SP3: variants seen among roughly 807,000 people sequenced by gnomAD.
The protein encoded by SP3 is transcription factor Sp3.
Under a neutral mutation model 70.3 loss-of-function variants are expected in SP3, and 10 were observed. The ratio of observed to expected loss-of-function variants is 0.14; its 90% CI spans 0.09 to 0.24. The LOEUF (loss-of-function observed/expected upper bound fraction) is 0.24. Among genes scored for constraint, SP3 ranks in the 10% least tolerant of loss-of-function variants. The pLI is 1.00. For missense variants in SP3, 825 were observed against 914.6 expected (o/e 0.90, Z 1.26); for synonymous variants, 402 against 333.5 (o/e 1.21, Z -2.24).
chr2:173,961,998 T>C (rs375024539), intron 3 of SP3, among the ~76,000 whole-genome samples: 1 of 150,252 alleles, frequency 6.7e-6, no homozygotes, highest in Non-Finnish European at 1.5e-5. Flanking sequence ...ATTGGCAAAT[T>C]ATGATGTATT....
chr2:173,955,812 C>A lies in SP3; in HGVS notation c.700G>T (p.Val234Phe). ...IQNLIPQTGQ[V>F]QVQGVAIGGS... is the part of the protein sequence containing the mutation. ...CCAATTGCAACTCCCTGAACCTGGA[C>A]TTGACCAGTCTGTGGTATGAGATTC... Residue 234 changes from valine (V) to phenylalanine (F), a missense_variant, in exon 4 of 7, where the codon GTC (valine) becomes TTC (phenylalanine). Around this residue, in one of 4 missense-constraint regions of SP3, gnomAD observed 678 missense variants for 651.6 expected, o/e 1.04. Coordinates refer to ENST00000310015, the MANE Select transcript of SP3 (RefSeq NM_003111.5). The A allele has an allele frequency of 6.2e-7, 1 of 1,614,246 alleles. No homozygotes were observed. The highest frequency in any genetic ancestry group is 8.5e-7 in the Non-Finnish European group (1 of 1,180,030).
intron 4 of SP3, among the ~76,000 whole-genome samples, chr2:173,923,363 T>C (rs1193530029): frequency 1.3e-5 from 2 of 152,028 alleles, no homozygotes; most frequent in East Asian, 3.9e-4. Context: ...TAATGAAATA[T>C]ACACACACAC....
chr2:173,964,372 G>A (rs765706027), intron 2 of SP3, 33 bp downstream of exon 2: 35 of 676,772 alleles, frequency 5.2e-5, no homozygotes, highest in Middle Eastern at 3.7e-4. Context: ...CGGCGCGAGG[G>A]GGGAGCCGGG....
In SP3 at chr2:173,905,930, G is replaced by A. The variant is rs1689302075; in HGVS notation, c.*4011C>T. On this transcript the variant is annotated 3_prime_UTR_variant, in exon 7 of 7. Coordinates refer to ENST00000310015, the MANE Select transcript of SP3 (RefSeq NM_003111.5). ...GGGGAGGATTGCTTGAGACCAGTAA[G>A]TGGAGTCTGCAGTAAGCCATGATTG... Among the ~76,000 whole-genome samples the A allele has an allele frequency of 6.6e-6, 1 of 152,220 alleles. No individual in the cohort carries two copies. The highest frequency in any genetic ancestry group is 2.1e-4 in the South Asian group (1 of 4,828).
At chr2:173,953,754 C>T (rs1448993927) in intron 4 of SP3, among the ~76,000 whole-genome samples, 3 of 146,378 alleles carry the variant, frequency 2.0e-5, no homozygotes, top group East Asian at 2.0e-4. Flanking sequence ...TGTGACAGAG[C>T]GAGACTCCAT....
At position 173,902,457 on chromosome 2, in the gene SP3, C is replaced by T. The variant is rs1689207583; in HGVS notation, c.*7484G>A. On this transcript the variant is annotated 3_prime_UTR_variant, in exon 7 of 7. Coordinates refer to ENST00000310015, the MANE Select transcript of SP3 (RefSeq NM_003111.5). The stretch of plus-strand genomic sequence containing the variant: ...CTGAAGATTAAGAATATCCTGTTGG[C>T]CAGTGATTCAAGTTCTAGATACATA... 6.6e-6 allele frequency among the ~76,000 whole-genome samples: 1 copy of T among 152,150 alleles called. No individual in the cohort carries two copies. The highest frequency in any genetic ancestry group is 2.4e-5 in the African/African-American group (1 of 41,430).
At chr2:173,933,644 A>G (rs1574409896) in intron 4 of SP3, among the ~76,000 whole-genome samples, 1 of 130,722 alleles carries the variant, frequency 7.6e-6, no homozygotes, top group East Asian at 2.2e-4. Flanking sequence ...AACTTTATAT[A>G]TATATATATA....
At chr2:173,943,648 T>A (rs774967468) in intron 4 of SP3, among the ~76,000 whole-genome samples, 1 of 152,198 alleles carries the variant, frequency 6.6e-6, no homozygotes. Flanking sequence ...ATTTTCTTCA[T>A]AACACTAATT....
chr2:173,922,290 GTTTT>G (rs768648740), intron 4 of SP3, among the ~76,000 whole-genome samples: 1 of 144,690 alleles, frequency 6.9e-6, no homozygotes. Context: ...CACTCCCAAG[GTTTT>G]TTTTTTTTTA....
chr2:173,936,457 G>A (rs541993409), intron 4 of SP3, among the ~76,000 whole-genome samples: 9 of 152,264 alleles, frequency 5.9e-5, no homozygotes, highest in African/African-American at 2.2e-4. Flanking sequence ...TAAAAATAGT[G>A]CAACCCTCAC....
chr2:173,956,307 T>C (rs1382857452), intron 3 of SP3, 75 bp from the exon 4 acceptor site: 1 of 1,448,350 alleles, frequency 6.9e-7, no homozygotes, highest in Non-Finnish European at 9.2e-7. Flanking sequence ...TAAAAACTGG[T>C]ATAAATCCTA....
In SP3 at chr2:173,902,223, T is replaced by C. The variant is rs1689202200; in HGVS notation, c.*7718A>G. On this transcript the variant is annotated 3_prime_UTR_variant, in exon 7 of 7. Coordinates refer to ENST00000310015, the MANE Select transcript of SP3 (RefSeq NM_003111.5). The stretch of plus-strand genomic sequence containing the variant: ...TAGTTTTTCAGGTCCCTTTTAAATT[T>C]CTTACTTATACTTGCTTTTCTTCCA... Among the ~76,000 whole-genome samples, 1 of 152,240 alleles carries C rather than the reference T, an allele frequency of 6.6e-6. No individual in the cohort carries two copies. The highest frequency in any genetic ancestry group is 2.4e-5 in the African/African-American group (1 of 41,464).
intron 4 of SP3, among the ~76,000 whole-genome samples, chr2:173,931,698 C>G (rs1574408618): frequency 6.6e-6 from 1 of 152,180 alleles, no homozygotes; most frequent in African/African-American, 2.4e-5. Context: ...TTCCGGATAA[C>G]TTCTTGCAGC....
rs34329180 is a variant in SP3, at chr2:173,901,695, CTTTTTT to C, written c.*8240_*8245del. ...GGGAAACAGTTAGTTGGACTTAAGC[CTTTTTT>C]TTTTTTTTTTTTTTTTTTGAGACGA... On this transcript the variant is annotated 3_prime_UTR_variant, in exon 7 of 7. Transcript: ENST00000310015. Among the ~76,000 whole-genome samples the C allele has an allele frequency of 1.5e-4, 11 of 74,958 alleles. No individual in the cohort carries two copies. The highest frequency in any genetic ancestry group is 5.3e-4 in the African/African-American group (10 of 19,020). 49.2% of individuals were successfully genotyped at this position (74,958 alleles called of 152,430 possible).
intron 4 of SP3, among the ~76,000 whole-genome samples, chr2:173,933,211 C>A (rs936978212): frequency 1.3e-5 from 2 of 150,346 alleles, no homozygotes; most frequent in Non-Finnish European, 3.0e-5. Context: ...AAATTTCAAT[C>A]TTTTATCAAT....
intron 4 of SP3, among the ~76,000 whole-genome samples, chr2:173,942,281 G>A (rs929494190): frequency 5.3e-5 from 8 of 152,210 alleles, no homozygotes; most frequent in Non-Finnish European, 1.0e-4. Context: ...GGGGCCGGGA[G>A]CAGTGGCTCA....
At chr2:173,923,441 G>A (rs1689812557) in intron 4 of SP3, among the ~76,000 whole-genome samples, 1 of 151,788 alleles carries the variant, frequency 6.6e-6, no homozygotes, top group South Asian at 2.1e-4. Flanking sequence ...AATAACTCAG[G>A]GCATGCCTAG....
chr2:173,964,596 G>T (rs1467021694), intron 1 of SP3, 43 bp from the exon 2 acceptor site: 3 of 650,456 alleles, frequency 4.6e-6, no homozygotes, highest in Admixed American at 2.2e-5. Context: ...GAGGAAGGCG[G>T]GTGGCGGAGA....
intron 4 of SP3, among the ~76,000 whole-genome samples, chr2:173,940,074 G>C (rs539317019): frequency 1.3e-5 from 2 of 152,120 alleles, no homozygotes; most frequent in Non-Finnish European, 2.9e-5. Context: ...GCAAGGTCTT[G>C]CTTGGTTGCC....
Sources: gnomAD v4.1 joint callset for allele counts (sites outside exome capture counted in the v4.1 genomes callset) on GRCh38, gnomAD v4.1.1 for gene constraint, gnomAD v4.1.1 regional missense constraint, MANE v1.5 for transcripts, NCBI Gene and HGNC (gene_info 2026-07-23, HGNC 2026-07-21) for gene names.